NOTCH2: variants seen among roughly 807,000 people sequenced by gnomAD.
The protein encoded by NOTCH2 is neurogenic locus notch homolog protein 2.
In NOTCH2, 29 loss-of-function variants were observed where a neutral mutation model predicts 235.8. The observed-to-expected ratio is 0.12, with a 90% confidence interval of 0.09 to 0.17. The LOEUF is 0.17. Among genes scored for constraint, NOTCH2 ranks in the 10% least tolerant of loss-of-function variants. The pLI, the probability that NOTCH2 is intolerant of heterozygous loss-of-function variation, is 1.00. For synonymous variants in NOTCH2, 1,086 were observed against 1,141.5 expected, an observed-to-expected ratio of 0.95 and a Z score of 0.98; for missense variants, 2,285 against 3,150.2, an observed-to-expected ratio of 0.73 and a Z score of 6.57.
intron 14 of NOTCH2, among the ~76,000 whole-genome samples, chr1:119,952,176 A>C (rs1377118853): frequency 6.6e-6 from 1 of 152,198 alleles, no homozygotes; most frequent in Non-Finnish European, 1.5e-5. Context: ...GAAATATAAC[A>C]GTGATAACTC....
In NOTCH2 at chr1:119,938,160, T is replaced by C; in HGVS notation, c.3184-150A>G. On this transcript the variant is annotated intron_variant, in intron 19 of 33. Coordinates refer to ENST00000256646, the MANE Select transcript of NOTCH2 (RefSeq NM_024408.4). ...CTAGTAAAAGAGCCCTTAAACTAGA[T>C]TCAGTGTTCCGAGGTACACCTAACC... 5.9e-6 allele frequency: 5 copies of C among 845,940 alleles called. No individual in the cohort carries two copies. In the South Asian group the frequency reaches 7.7e-5, roughly 13 times the overall value. The allele number at this position is 845,940 out of a possible 1,614,324, so 52.4% of individuals were successfully genotyped here. A position where few individuals can be genotyped will look rare whatever the true frequency, so the allele number is the denominator to read the frequency against.
chr1:120,007,323 G>A (rs1357534217), intron 2 of NOTCH2, among the ~76,000 whole-genome samples: 1 of 147,802 alleles, frequency 6.8e-6, no homozygotes, highest in African/African-American at 2.6e-5. Flanking sequence ...AGTTAATAAG[G>A]TCACCTACAT....
At chr1:119,979,469 G>T (rs1409168605) in intron 5 of NOTCH2, among the ~76,000 whole-genome samples, 1 of 152,152 alleles carries the variant, frequency 6.6e-6, no homozygotes, top group Non-Finnish European at 1.5e-5. Flanking sequence ...CCAAGAATTT[G>T]ATATCTAGTC....
intron 9 of NOTCH2, 73 bp from the exon 10 acceptor site, chr1:119,965,639 G>A (rs1651107944): frequency 9.4e-7 from 1 of 1,062,466 alleles, no homozygotes; most frequent in African/African-American, 1.6e-5. Context: ...AATGATGTTA[G>A]GTTACTAGCA....
intron 22 of NOTCH2, among the ~76,000 whole-genome samples, chr1:119,930,951 A>T (rs1649631425): frequency 1.3e-5 from 2 of 151,248 alleles, no homozygotes; most frequent in African/African-American, 4.9e-5. Context: ...TACAAAAAAA[A>T]AATTAGCCAG....
chr1:119,978,079 G>A (rs1051378763), intron 5 of NOTCH2, among the ~76,000 whole-genome samples: 1 of 152,096 alleles, frequency 6.6e-6, no homozygotes, highest in Non-Finnish European at 1.5e-5. Context: ...GAATAGAGAG[G>A]AACTAGAGAA....
chr1:120,022,913 A>G (rs188336826), intron 2 of NOTCH2, among the ~76,000 whole-genome samples: 64 of 149,124 alleles, frequency 4.3e-4, no homozygotes, highest in East Asian at 3.9e-3. Flanking sequence ...TTCCACGAGT[A>G]TATCTCAGGT....
intron 14 of NOTCH2, among the ~76,000 whole-genome samples, chr1:119,953,233 C>T (rs911517335): frequency 6.6e-5 from 10 of 152,046 alleles, no homozygotes; most frequent in African/African-American, 2.2e-4. Flanking sequence ...ATGGCTTGAA[C>T]CCGGGAGGTA....
At chr1:119,946,183 C>A (rs185906011) in intron 17 of NOTCH2, among the ~76,000 whole-genome samples, 100 of 152,100 alleles carry the variant, frequency 6.6e-4, no homozygotes, top group African/African-American at 2.2e-3. Flanking sequence ...TTAGGAAAAC[C>A]AAACTTGTAG....
In NOTCH2 at chr1:119,914,036, A is replaced by G. The variant is rs1036249012; in HGVS notation, c.*1270T>C. On this transcript the variant is annotated 3_prime_UTR_variant, in exon 34 of 34. Coordinates refer to ENST00000256646, the MANE Select transcript of NOTCH2 (RefSeq NM_024408.4). The stretch of plus-strand genomic sequence containing the variant: ...TGAGCAGGCCTTTAAGCAGCAAGAT[A>G]ATCAGTAGAGACTGATCATCTGACA... 2 of 233,080 alleles carry G rather than the reference A, an allele frequency of 8.6e-6. No individual in the cohort carries two copies. Among genetic ancestry groups the G allele is most frequent in the Non-Finnish European group, 1.7e-5 (2 of 118,002 alleles). The allele number at this position is 233,080 out of a possible 1,614,324, so 14.4% of individuals were successfully genotyped here. A position where few individuals can be genotyped will look rare whatever the true frequency, so the allele number is the denominator to read the frequency against.
At chr1:119,958,219 C>CAG (rs1417235774) in intron 12 of NOTCH2, among the ~76,000 whole-genome samples, 1 of 152,190 alleles carries the variant, frequency 6.6e-6, no homozygotes, top group African/African-American at 2.4e-5. Flanking sequence ...GAACATCAGG[C>CAG]TACTACAGCA....
At chr1:119,936,884 T>C (rs587650996) in intron 21 of NOTCH2, among the ~76,000 whole-genome samples, 1 of 151,932 alleles carries the variant, frequency 6.6e-6, no homozygotes, top group East Asian at 1.9e-4. Context: ...AAATTGCTAG[T>C]TGACTGATTA....
At position 119,914,967 on chromosome 1, in the gene NOTCH2, G is replaced by A. The variant is rs1410408445; in HGVS notation, c.*339C>T. 6.8e-6 allele frequency: 3 copies of A among 439,046 alleles called. No individual in the cohort carries two copies. The highest frequency in any genetic ancestry group is 5.9e-5 in the African/African-American group (3 of 50,704). The allele number at this position is 439,046 out of a possible 1,614,324, so 27.2% of individuals were successfully genotyped here. On this transcript the variant is annotated 3_prime_UTR_variant, in exon 34 of 34. Coordinates refer to ENST00000256646, the MANE Select transcript of NOTCH2 (RefSeq NM_024408.4). Reference sequence around the variant, plus strand: ...TCATGGATATGGCAGAAGCCTGCAGGGCTTAAAATGCAGTCCAAGCTGCAA... The same window carrying A: ...TCATGGATATGGCAGAAGCCTGCAGAGCTTAAAATGCAGTCCAAGCTGCAA...
chr1:119,941,878 T>G lies in NOTCH2; in HGVS notation c.2753-124A>C. 4 of 758,400 alleles carry G rather than the reference T, an allele frequency of 5.3e-6. No individual in the cohort carries two copies. In the South Asian group the frequency reaches 6.3e-5, roughly 12 times the overall value. The allele number at this position is 758,400 out of a possible 1,614,324, so 47.0% of individuals were successfully genotyped here. ...GCATAATTCTGACTTTTTCATTCAA[T>G]TTTGCCAACTCCCTCATTTATGAAA... On this transcript the variant is annotated intron_variant, in intron 17 of 33. Coordinates refer to ENST00000256646, the MANE Select transcript of NOTCH2 (RefSeq NM_024408.4).
intron 33 of NOTCH2, 81 bp from the exon 34 acceptor site, chr1:119,916,775 C>T (rs1272103403): frequency 7.3e-7 from 1 of 1,378,312 alleles, no homozygotes; most frequent in East Asian, 2.4e-5. Context: ...TTTTTATTAT[C>T]ACCCCCTTAG....
intron 25 of NOTCH2, 112 bp from the exon 26 acceptor site, chr1:119,924,096 C>G: frequency 1.1e-6 from 1 of 889,498 alleles, no homozygotes; most frequent in Non-Finnish European, 1.8e-6. Context: ...CTGTGGCCCA[C>G]ACCCAGGACC....
In NOTCH2 at chr1:119,913,863, T is replaced by C. The variant is rs1194254632; in HGVS notation, c.*1443A>G. 4.3e-6 allele frequency: 1 copy of C among 232,996 alleles called. No individual in the cohort carries two copies. The highest frequency in any genetic ancestry group is 2.2e-5 in the African/African-American group (1 of 45,332). The allele number at this position is 232,996 out of a possible 1,614,324, so 14.4% of individuals were successfully genotyped here. A position where few individuals can be genotyped will look rare whatever the true frequency, so the allele number is the denominator to read the frequency against. ...AAGGCTGCTATATAGTTCCTCCTTT[T>C]CCAACCTTCTTATAGGGCTGTTTTG... is the stretch of plus-strand genomic sequence containing the variant. On this transcript the variant is annotated 3_prime_UTR_variant, in exon 34 of 34. Transcript: ENST00000256646.
chr1:119,938,880 C>T (rs1649960854), intron 19 of NOTCH2, among the ~76,000 whole-genome samples: 1 of 152,220 alleles, frequency 6.6e-6, no homozygotes, highest in South Asian at 2.1e-4. Flanking sequence ...CGGGGTTTCA[C>T]CGTGTTAGCC....
chr1:119,997,800 C>A (rs1477589039), intron 3 of NOTCH2, among the ~76,000 whole-genome samples: 1 of 146,580 alleles, frequency 6.8e-6, no homozygotes. Context: ...ATGGTGAAAC[C>A]CTGTCTCTAC....
Sources: allele counts gnomAD v4.1 joint callset (sites outside exome capture counted in the v4.1 genomes callset), GRCh38; gene constraint gnomAD v4.1.1; transcripts MANE v1.5; gene names NCBI Gene and HGNC (gene_info 2026-07-23, HGNC 2026-07-21).